The following SUPT3H variants were observed in gnomAD, a reference collection of about 807,000 sequenced individuals.
The protein encoded by SUPT3H is transcription initiation protein SPT3 homolog.
A neutral mutation model predicts 44.3 loss-of-function variants in SUPT3H; 44 were observed. The observed-to-expected ratio is 0.99, with a 90% confidence interval of 0.78 to 1.28. The LOEUF (loss-of-function observed/expected upper bound fraction) is 1.28. SUPT3H is among the 50% of genes most tolerant of loss of function. The probability of loss-of-function intolerance (pLI) is 0.00; values close to 1 mark genes in which losing one functional copy is unlikely to be tolerated. For synonymous variants in SUPT3H, 124 were observed against 125.6 expected (o/e 0.99, Z 0.09); for missense variants, 380 against 387.1 (o/e 0.98, Z 0.15).
At chr6:45,075,181 A>G (rs1008656342) in intron 3 of SUPT3H, among the ~76,000 whole-genome samples, 1 of 152,124 alleles carries the variant, frequency 6.6e-6, no homozygotes, top group African/African-American at 2.4e-5. Context: ...GAAAACTATA[A>G]TTATAGTATT....
chr6:45,256,224 T>C (rs1584523253), intron 2 of SUPT3H, among the ~76,000 whole-genome samples: 2 of 152,176 alleles, frequency 1.3e-5, no homozygotes, highest in African/African-American at 2.4e-5. Context: ...CATTCTGTCA[T>C]GGTCTGTTCA....
chr6:45,328,586 AATAAAT>A, intron 2 of SUPT3H: 1 of 1,583,406 alleles, frequency 6.3e-7, no homozygotes, highest in East Asian at 2.3e-5. Flanking sequence ...GACAGAAAAA[AATAAAT>A]ATAAAGTCTA....
chr6:45,141,338 C>CAAAAAAAAAAAAAAAA (rs1162738855), intron 2 of SUPT3H, among the ~76,000 whole-genome samples: 6 of 45,284 alleles, frequency 1.3e-4, no homozygotes, highest in East Asian at 7.4e-4. Flanking sequence ...GACTCCATCT[C>CAAAAAAAAAAAAAAAA]AAAAAAAAAA....
chr6:45,193,796 C>T (rs1815538386), intron 2 of SUPT3H, among the ~76,000 whole-genome samples: 1 of 152,112 alleles, frequency 6.6e-6, no homozygotes, highest in South Asian at 2.1e-4. Context: ...CAGGTTGTAA[C>T]GTACATTAGG....
chr6:45,367,290 C>T (rs1795295229), intron 1 of SUPT3H, among the ~76,000 whole-genome samples: 1 of 152,102 alleles, frequency 6.6e-6, no homozygotes, highest in African/African-American at 2.4e-5. Context: ...TCCACTTAAA[C>T]TGAGCCCGAA....
At chr6:44,889,869 A>G (rs1295607043) in intron 10 of SUPT3H, among the ~76,000 whole-genome samples, 1 of 152,156 alleles carries the variant, frequency 6.6e-6, no homozygotes, top group Non-Finnish European at 1.5e-5. Flanking sequence ...CTTATCTGAC[A>G]AAGGGCTAAT....
intron 2 of SUPT3H, among the ~76,000 whole-genome samples, chr6:45,239,263 T>G (rs1769823587): frequency 6.6e-6 from 1 of 152,234 alleles, no homozygotes; most frequent in African/African-American, 2.4e-5. Context: ...AATGCACCCT[T>G]TTTACGTTAC....
chr6:45,080,739 G>A (rs1795680081), intron 3 of SUPT3H, among the ~76,000 whole-genome samples: 1 of 152,014 alleles, frequency 6.6e-6, no homozygotes, highest in Non-Finnish European at 1.5e-5. Flanking sequence ...TTGAACTCAT[G>A]GACACAGAGA....
intron 2 of SUPT3H, among the ~76,000 whole-genome samples, chr6:45,278,750 T>C (rs1206776656): frequency 6.6e-6 from 1 of 152,230 alleles, no homozygotes; most frequent in East Asian, 1.9e-4. Context: ...ATAAGAAGTC[T>C]GTGACTTGTT....
chr6:45,199,430 G>T (rs1041973595), intron 2 of SUPT3H, among the ~76,000 whole-genome samples: 2 of 151,070 alleles, frequency 1.3e-5, no homozygotes, highest in South Asian at 4.2e-4. Flanking sequence ...ATAAAAAAAA[G>T]TATTTTTTGC....
At chr6:44,953,702 C>A (rs910890736) in intron 8 of SUPT3H, among the ~76,000 whole-genome samples, 1 of 152,054 alleles carries the variant, frequency 6.6e-6, no homozygotes, top group African/African-American at 2.4e-5. Flanking sequence ...CTGTTTTAAG[C>A]ATATAGTCTA....
At chr6:45,179,733 G>C (rs1812762891) in intron 2 of SUPT3H, among the ~76,000 whole-genome samples, 1 of 152,190 alleles carries the variant, frequency 6.6e-6, no homozygotes, top group Non-Finnish European at 1.5e-5. Context: ...AATAGTAAGA[G>C]CTATCTATGA....
In SUPT3H at chr6:45,221,334, A is replaced by G. The variant is rs543862844; in HGVS notation, c.102-115328T>C. Among the ~76,000 whole-genome samples the G allele has an allele frequency of 3.9e-5, 6 of 152,342 alleles. No homozygotes were observed. In the South Asian group the frequency reaches 1.2e-3, roughly 32 times the overall value. On this transcript the variant is annotated intron_variant, in intron 2 of 10. Transcript: ENST00000371459. Reference sequence around the variant, plus strand: ...TTGTATATATATGTAACACACCTGCACGTTGTGCACATGTACCCTAGAACT... The same window carrying G: ...TTGTATATATATGTAACACACCTGCGCGTTGTGCACATGTACCCTAGAACT...
At chr6:44,877,909 T>C (rs570258922) in intron 10 of SUPT3H, among the ~76,000 whole-genome samples, 15 of 152,354 alleles carry the variant, frequency 9.8e-5, no homozygotes, top group African/African-American at 3.6e-4. Flanking sequence ...GTTCTTTGAA[T>C]AAGCCTGATG....
chr6:44,972,039 G>A (rs1397833115), intron 6 of SUPT3H, among the ~76,000 whole-genome samples: 1 of 151,678 alleles, frequency 6.6e-6, no homozygotes, highest in Admixed American at 6.6e-5. Flanking sequence ...CTCCCAAAGT[G>A]CTGGGATTAC....
In SUPT3H at chr6:44,881,542, T is replaced by C. The variant is rs192503262; in HGVS notation, c.912+51111A>G. ...TCAGCTCTGGACCAAGTGGACCTAA[T>C]AGATATCTACAGAACTCTCCACCCC... On this transcript the variant is annotated intron_variant, in intron 10 of 10. Coordinates refer to ENST00000371459, the MANE Select transcript of SUPT3H (RefSeq NM_003599.4). 1.5e-3 allele frequency among the ~76,000 whole-genome samples: 235 copies of C among 152,320 alleles called. 2 individuals are homozygous for C. Among genetic ancestry groups the C allele is most frequent in the Admixed American group, 5.3e-3 (81 of 15,302 alleles).
chr6:45,068,131 C>A (rs1030657163), intron 3 of SUPT3H, among the ~76,000 whole-genome samples: 2 of 148,836 alleles, frequency 1.3e-5, no homozygotes, highest in African/African-American at 5.0e-5. Context: ...TACTATGCAG[C>A]CATAAAAAAT....
rs561229045 is a variant in SUPT3H at position 45,331,190 on chromosome 6, C to G, written c.101+34011G>C. 3.1e-4 allele frequency among the ~76,000 whole-genome samples: 47 copies of G among 152,044 alleles called. 1 individual carries two copies. Among genetic ancestry groups the G allele is most frequent in the African/African-American group, 1.0e-3 (43 of 41,502 alleles). ...GTGTCCTTGATCTCTCAGCATACTT[C>G]ACTTTGAGTTAATCAAAAATTTTCA... On this transcript the variant is annotated intron_variant, in intron 2 of 10. Transcript: ENST00000371459.
At chr6:44,925,534 G>T (rs190285315) in intron 10 of SUPT3H, among the ~76,000 whole-genome samples, 1 of 152,046 alleles carries the variant, frequency 6.6e-6, no homozygotes, top group Non-Finnish European at 1.5e-5. Flanking sequence ...CATCACACTC[G>T]GCAAACACAG....
Sources: allele counts gnomAD v4.1 joint callset (sites outside exome capture counted in the v4.1 genomes callset), GRCh38; gene constraint gnomAD v4.1.1; transcripts MANE v1.5; gene names NCBI Gene and HGNC (gene_info 2026-07-23, HGNC 2026-07-21).